Variants in INSYN2A observed in about 807,000 individuals in gnomAD.
INSYN2A encodes the protein inhibitory synaptic factor 2A.
In INSYN2A, 17 loss-of-function variants were observed where a neutral mutation model predicts 39.4. That is an observed-to-expected ratio of 0.43 (90% CI 0.30 to 0.65). INSYN2A has a LOEUF of 0.65. Among genes scored for constraint, INSYN2A ranks in the 30% least tolerant of loss-of-function variants. The probability of loss-of-function intolerance (pLI) is 0.14; values close to 1 mark genes in which losing one functional copy is unlikely to be tolerated. For synonymous variants in INSYN2A, 255 were observed against 265.7 expected, an observed-to-expected ratio of 0.96 and a Z score of 0.39; for missense variants, 595 against 631.2, an observed-to-expected ratio of 0.94 and a Z score of 0.61.
At chr10:127,139,456 C>G (rs1020220454) in intron 5 of INSYN2A, among the ~76,000 whole-genome samples, 8 of 151,946 alleles carry the variant, frequency 5.3e-5, no homozygotes, top group Non-Finnish European at 1.0e-4. Flanking sequence ...AACAAGTTAT[C>G]CTTTTCCCTT....
chr10:127,169,555 A>G (rs553226892), intron 4 of INSYN2A, among the ~76,000 whole-genome samples: 71 of 152,292 alleles, frequency 4.7e-4, no homozygotes, highest in African/African-American at 1.6e-3. Context: ...AAATCTGGCT[A>G]CCACCTGTTT....
chr10:127,178,665 G>A (rs954732992), intron 2 of INSYN2A, among the ~76,000 whole-genome samples: 1 of 152,168 alleles, frequency 6.6e-6, no homozygotes, highest in African/African-American at 2.4e-5. Context: ...GGTGCTGGGG[G>A]TATTTGGAGA....
intron 4 of INSYN2A, among the ~76,000 whole-genome samples, chr10:127,168,217 A>G (rs904135163): frequency 2.7e-4 from 41 of 152,204 alleles, no homozygotes; most frequent in Non-Finnish European, 5.6e-4. Flanking sequence ...GGAAGAACCA[A>G]GTGCATGGGA....
In INSYN2A at chr10:127,175,958, A is replaced by T. The variant is rs772878195; in HGVS notation, c.438T>A (p.Asp146Glu). The T allele has an allele frequency of 3.4e-5, 55 of 1,614,120 alleles. No individual in the cohort carries two copies. The highest frequency in any genetic ancestry group is 4.7e-5 in the Non-Finnish European group (55 of 1,180,018). The change falls in exon 4 of 6, where the codon GAT becomes GAA. Residue 146 changes from aspartate (D) to glutamate (E), a missense_variant. Transcript: ENST00000522781. This position sits in a 1 kb window ranked among gnomAD's most constrained non-coding sequence, Gnocchi z 6.3. ...FKSQNNGFLT[D>E]AKEKNEAGPM... ...GTCCAGCCTCGTTCTTCTCTTTCGCATCTGTTAGAAACCCATTGTTTTGGC... is the reference window on the plus strand; with the variant it reads ...GTCCAGCCTCGTTCTTCTCTTTCGCTTCTGTTAGAAACCCATTGTTTTGGC...
intron 4 of INSYN2A, among the ~76,000 whole-genome samples, chr10:127,158,847 C>A (rs1170554282): frequency 1.3e-5 from 2 of 152,146 alleles, no homozygotes; most frequent in African/African-American, 2.4e-5. Flanking sequence ...TGGAAAACAT[C>A]GCATTCAGCA....
intron 2 of INSYN2A, among the ~76,000 whole-genome samples, chr10:127,180,003 A>G (rs775972415): frequency 6.6e-6 from 1 of 152,198 alleles, no homozygotes; most frequent in South Asian, 2.1e-4. Flanking sequence ...ATTTTTTGCA[A>G]CTTGCTCAGA....
Position 127,176,160 on chromosome 10 carries a change from G to T in INSYN2A, c.236C>A (p.Ser79Tyr). 1 of 1,614,132 alleles carries T rather than the reference G, an allele frequency of 6.2e-7. No homozygotes were observed. The highest frequency in any genetic ancestry group is 8.5e-7 in the Non-Finnish European group (1 of 1,180,036). ...GTATTTGCGGTAGGCTGCTCTGCAG[G>T]ACACGGGCTTGGCCTCCCGCTTCTC... ...LGEKREAKPV[S>Y]CRAAYRKYMT... Residue 79 changes from serine to tyrosine, a missense_variant, in exon 4 of 6, where the codon TCC (serine) becomes TAC (tyrosine). Transcript: ENST00000522781. The surrounding 1 kb of genome is among the most constrained non-coding windows in gnomAD (Gnocchi z 4.4).
At chr10:127,171,010 C>T (rs539587741) in intron 4 of INSYN2A, among the ~76,000 whole-genome samples, 1 of 152,268 alleles carries the variant, frequency 6.6e-6, no homozygotes, top group East Asian at 1.9e-4. Flanking sequence ...CTGAAATGCT[C>T]GTAACAGGAT....
In INSYN2A at chr10:127,155,831, ACAGTGAAGT is replaced by A. The variant is rs2052990037; in HGVS notation, c.1185-1917_1185-1909del. Among the ~76,000 whole-genome samples the A allele has an allele frequency of 5.3e-5, 8 of 152,264 alleles. No homozygotes were observed. In the South Asian group the frequency reaches 1.7e-3, roughly 32 times the overall value. On this transcript the variant is annotated intron_variant, in intron 4 of 5. Coordinates refer to ENST00000522781, the MANE Select transcript of INSYN2A (RefSeq NM_001039762.3). ...TCAGTGCTGACCAAGGTCATTTTGC[ACAGTGAAGT>A]CAGTGCCATCCTTGAGCTCAGGTGC...
At chr10:127,181,881 C>T (rs2055770854) in intron 2 of INSYN2A, among the ~76,000 whole-genome samples, 1 of 152,190 alleles carries the variant, frequency 6.6e-6, no homozygotes, top group Non-Finnish European at 1.5e-5. Context: ...TTCCTTGGGG[C>T]AAAGCCAGCT....
At chr10:127,188,159 C>G (rs965721073) in intron 2 of INSYN2A, among the ~76,000 whole-genome samples, 1 of 152,146 alleles carries the variant, frequency 6.6e-6, no homozygotes, top group African/African-American at 2.4e-5. Flanking sequence ...ACCAGCAGAT[C>G]CCACACAGGC....
At chr10:127,166,111 G>A (rs943288025) in intron 4 of INSYN2A, among the ~76,000 whole-genome samples, 1 of 152,096 alleles carries the variant, frequency 6.6e-6, no homozygotes, top group Non-Finnish European at 1.5e-5. Flanking sequence ...TGTAGCGTAG[G>A]CTGGAGTGCA....
At chr10:127,195,183 G>A (rs758579013) in intron 1 of INSYN2A, among the ~76,000 whole-genome samples, 97 of 152,192 alleles carry the variant, frequency 6.4e-4, no homozygotes, top group Non-Finnish European at 3.1e-4. Context: ...CTGGAGCCCT[G>A]AGCATGAACC....
At chr10:127,184,433 TCTTGGCCTTCATAACTCTCCTGCC>T (rs2056034390) in intron 2 of INSYN2A, among the ~76,000 whole-genome samples, 1 of 151,190 alleles carries the variant, frequency 6.6e-6, no homozygotes, top group African/African-American at 2.4e-5. Flanking sequence ...CCCACCCTGA[TCTTGGCCTTCATAACTCTCCTGCC>T]CTCAGCTCTC....
intron 5 of INSYN2A, among the ~76,000 whole-genome samples, chr10:127,142,348 C>G (rs898924316): frequency 3.3e-5 from 5 of 152,178 alleles, no homozygotes; most frequent in East Asian, 1.9e-4. Flanking sequence ...GCCTCACTCT[C>G]CAGCAGCTCA....
At chr10:127,172,071 TAC>T (rs2054623707) in intron 4 of INSYN2A, among the ~76,000 whole-genome samples, 1 of 152,232 alleles carries the variant, frequency 6.6e-6, no homozygotes. Flanking sequence ...TGTATCAGTG[TAC>T]ACAGAGTGCA....
chr10:127,166,003 G>A (rs2054037612), intron 4 of INSYN2A, among the ~76,000 whole-genome samples: 1 of 152,068 alleles, frequency 6.6e-6, no homozygotes, highest in Non-Finnish European at 1.5e-5. Flanking sequence ...CAAGTAAAAG[G>A]GAAAATCCAG....
intron 2 of INSYN2A, among the ~76,000 whole-genome samples, chr10:127,187,038 C>T (rs1449524358): frequency 1.3e-5 from 2 of 152,320 alleles, no homozygotes; most frequent in East Asian, 3.9e-4. Context: ...AACCCCATCT[C>T]CTGTCCAGAA....
intron 1 of INSYN2A, among the ~76,000 whole-genome samples, chr10:127,195,528 C>CG (rs972448356): frequency 6.6e-6 from 1 of 152,002 alleles, no homozygotes; most frequent in Non-Finnish European, 1.5e-5. Context: ...ACTCATCCCC[C>CG]CCCCGAAGTT....
Sources: allele counts gnomAD v4.1 joint callset (sites outside exome capture counted in the v4.1 genomes callset), GRCh38; gene constraint gnomAD v4.1.1; non-coding constraint Gnocchi (gnomAD v3.1); transcripts MANE v1.5; gene names NCBI Gene and HGNC (gene_info 2026-07-23, HGNC 2026-07-21).